Variants in ITPR1 observed in about 807,000 individuals in gnomAD.
ITPR1 encodes inositol 1,4,5-trisphosphate-gated calcium channel ITPR1.
ITPR1 carries 96 observed loss-of-function variants against 318.4 expected under a neutral mutation model. That is an observed-to-expected ratio of 0.30 (90% CI 0.26 to 0.36). The LOEUF (loss-of-function observed/expected upper bound fraction) is 0.36, where lower values mean the gene tolerates loss of function less well. Among genes scored for constraint, ITPR1 ranks in the 10% least tolerant of loss-of-function variants. The pLI is 1.00. For missense variants in ITPR1, 2,440 were observed against 3,460.2 expected (o/e 0.71, Z 7.40); for synonymous variants, 1,312 against 1,289.9 (o/e 1.02, Z -0.37).
intron 5 of ITPR1, among the ~76,000 whole-genome samples, chr3:4,637,439 A>G (rs1346568178): frequency 1.3e-5 from 2 of 152,240 alleles, no homozygotes; most frequent in Non-Finnish European, 2.9e-5. Context: ...GAGGCTGCTA[A>G]GGAGAGTATT....
At chr3:4,703,744 A>G (rs1394632452) in intron 36 of ITPR1, among the ~76,000 whole-genome samples, 1 of 152,204 alleles carries the variant, frequency 6.6e-6, no homozygotes, top group Admixed American at 6.5e-5. Context: ...AGATACGTAT[A>G]ATCTATTAGG....
chr3:4,681,324 G>T (rs1559682183), intron 25 of ITPR1, 40 bp from the exon 26 acceptor site: 2 of 1,472,810 alleles, frequency 1.4e-6, no homozygotes, highest in South Asian at 1.1e-5. Flanking sequence ...CATGTTTGCA[G>T]ACCTTCCTGC....
chr3:4,501,715 C>G (rs557973387), intron 2 of ITPR1, among the ~76,000 whole-genome samples: 4 of 152,306 alleles, frequency 2.6e-5, no homozygotes, highest in African/African-American at 9.6e-5. Context: ...TCACATGATT[C>G]CCTCTCCAAC....
At chr3:4,665,362 C>T (rs1205030815) in intron 17 of ITPR1, 66 bp downstream of exon 17, 5 of 1,483,014 alleles carry the variant, frequency 3.4e-6, no homozygotes, top group South Asian at 1.3e-5. Context: ...AACTTTCCTC[C>T]TGAGTTTTTA....
intron 2 of ITPR1, among the ~76,000 whole-genome samples, chr3:4,513,788 G>A (rs1022041349): frequency 6.6e-6 from 1 of 152,132 alleles, no homozygotes; most frequent in African/African-American, 2.4e-5. Context: ...CTCCACTGAA[G>A]AATCAGATAG....
intron 4 of ITPR1, among the ~76,000 whole-genome samples, chr3:4,550,056 G>T (rs944799015): frequency 1.3e-5 from 2 of 151,926 alleles, no homozygotes; most frequent in African/African-American, 2.4e-5. Flanking sequence ...ATGTCTGCAG[G>T]ATTTCCTGTG....
intron 29 of ITPR1, 65 bp downstream of exon 29, chr3:4,684,411 G>C: frequency 1.7e-6 from 2 of 1,182,188 alleles, no homozygotes; most frequent in Non-Finnish European, 2.5e-6. Context: ...TTTAGTTTGT[G>C]ATAGTCAAGT....
At chr3:4,813,718 A>T (rs2049091192) in intron 57 of ITPR1, among the ~76,000 whole-genome samples, 1 of 152,168 alleles carries the variant, frequency 6.6e-6, no homozygotes, top group African/African-American at 2.4e-5. Flanking sequence ...GTTTGGGGAG[A>T]TAATGATTAT....
chr3:4,809,878 C>T lies in ITPR1; in HGVS notation c.7273-1387C>T, dbSNP rs532419181. Among the ~76,000 whole-genome samples, 29 of 152,314 alleles carry T rather than the reference C, an allele frequency of 1.9e-4. 1 individual carries two copies. The South Asian group carries it at 5.2e-3, about 27-fold the overall frequency. The stretch of plus-strand genomic sequence containing the variant: ...CTGGAAAACATTTAACCAACATTAA[C>T]AGCAACACTTTGCCTTCTGTCATAT... On this transcript the variant is annotated intron_variant, in intron 55 of 61. Transcript: ENST00000649015.
intron 2 of ITPR1, among the ~76,000 whole-genome samples, chr3:4,512,288 G>C (rs576364897): frequency 8.5e-5 from 13 of 152,162 alleles, no homozygotes; most frequent in Non-Finnish European, 5.9e-5. Context: ...TCTGAACAAG[G>C]CTGTTTGAAC....
intron 33 of ITPR1, among the ~76,000 whole-genome samples, chr3:4,693,998 C>T (rs1198559255): frequency 6.6e-6 from 1 of 152,190 alleles, no homozygotes; most frequent in Non-Finnish European, 1.5e-5. Context: ...GCTCTGTGGA[C>T]TAATTTAGCC....
intron 25 of ITPR1, 98 bp downstream of exon 25, chr3:4,680,789 G>A: frequency 9.0e-7 from 1 of 1,116,852 alleles, no homozygotes; most frequent in Non-Finnish European, 1.3e-6. Flanking sequence ...GGGTGAAAAT[G>A]GTTTTGAGGA....
At chr3:4,534,130 A>AG (rs2083650665) in intron 4 of ITPR1, among the ~76,000 whole-genome samples, 1 of 152,132 alleles carries the variant, frequency 6.6e-6, no homozygotes, top group Non-Finnish European at 1.5e-5. Context: ...CTCTTTTAAT[A>AG]GATTTAGGGG....
chr3:4,664,615 T>TGC (rs2093907331), intron 16 of ITPR1, among the ~76,000 whole-genome samples: 1 of 152,262 alleles, frequency 6.6e-6, no homozygotes, highest in Non-Finnish European at 1.5e-5. Context: ...ACCTCTGGCT[T>TGC]AATGCCCATG....
At chr3:4,563,592 G>A (rs933045747) in intron 4 of ITPR1, among the ~76,000 whole-genome samples, 1 of 152,220 alleles carries the variant, frequency 6.6e-6, no homozygotes, top group Non-Finnish European at 1.5e-5. Context: ...GCCACGTGAA[G>A]TTTGGGTGAT....
chr3:4,650,014 A>G (rs11130090), intron 10 of ITPR1, among the ~76,000 whole-genome samples: 143,761 of 152,258 alleles, frequency 0.94, 68,413 homozygotes, highest in East Asian at 1. Flanking sequence ...ACCATACCAG[A>G]TAACATGTTG....
intron 30 of ITPR1, among the ~76,000 whole-genome samples, chr3:4,686,796 G>A (rs2094402467): frequency 1.3e-5 from 2 of 152,216 alleles, no homozygotes; most frequent in South Asian, 4.1e-4. Flanking sequence ...CTTAGCTTGT[G>A]CACCAGCAGA....
chr3:4,748,652 C>T (rs2044279406), intron 44 of ITPR1, among the ~76,000 whole-genome samples: 1 of 152,114 alleles, frequency 6.6e-6, no homozygotes, highest in Admixed American at 6.5e-5. Flanking sequence ...TTGCAAACCC[C>T]TCTACTATTT....
chr3:4,614,792 G>A (rs892520855), intron 4 of ITPR1, among the ~76,000 whole-genome samples: 1 of 152,210 alleles, frequency 6.6e-6, no homozygotes, highest in Non-Finnish European at 1.5e-5. Flanking sequence ...CACCCAGGGA[G>A]GGGAGGAAAC....
Sources: allele counts gnomAD v4.1 joint callset (sites outside exome capture counted in the v4.1 genomes callset), GRCh38; gene constraint gnomAD v4.1.1; transcripts MANE v1.5; gene names NCBI Gene and HGNC (gene_info 2026-07-23, HGNC 2026-07-21).